STS: variants seen among roughly 807,000 people sequenced by gnomAD.
The protein encoded by STS is steryl-sulfatase.
Under a neutral mutation model 26.8 loss-of-function variants are expected in STS, and 7 were observed. The ratio of observed to expected loss-of-function variants is 0.26; its 90% CI spans 0.15 to 0.49. The LOEUF is 0.49. Ranked by LOEUF, STS falls within the 20% of genes least tolerant of loss-of-function variation. The pLI is 0.98. For missense variants in STS, 434 were observed against 465.6 expected (o/e 0.93, Z 0.63); for synonymous variants, 199 against 189.4 (o/e 1.05, Z -0.42).
intron 10 of STS, among the ~76,000 whole-genome samples, chrX:7,342,598 T>C (rs1928343105): frequency 8.9e-6 from 1 of 112,169 alleles, no homozygotes. Flanking sequence ...TTCTCACTGT[T>C]GTTGTATCGT....
At chrX:7,339,335 A>G (rs1367811497) in intron 10 of STS, among the ~76,000 whole-genome samples, 1 of 112,372 alleles carries the variant, frequency 8.9e-6, no homozygotes, top group African/African-American at 3.2e-5. Context: ...GCTCACCAGG[A>G]TCTATCCTGT....
chrX:7,227,795 A>G (rs1389102448), intron 2 of STS, among the ~76,000 whole-genome samples: 1 of 111,910 alleles, frequency 8.9e-6, no homozygotes, highest in African/African-American at 3.2e-5. Flanking sequence ...TGCTGATACA[A>G]TGTTTGACTG....
At chrX:7,213,367 T>A (rs1423005622) in intron 2 of STS, among the ~76,000 whole-genome samples, 2 of 111,348 alleles carry the variant, frequency 1.8e-5, no homozygotes, top group Non-Finnish European at 3.8e-5. Context: ...TACCAAAAGG[T>A]AAATTTCTGG....
At chrX:7,237,803 C>G (rs771940573) in intron 2 of STS, among the ~76,000 whole-genome samples, 1 of 111,114 alleles carries the variant, frequency 9.0e-6, no homozygotes, top group East Asian at 2.8e-4. Flanking sequence ...TACATTCTAC[C>G]CAATAAGTAG....
intron 6 of STS, among the ~76,000 whole-genome samples, chrX:7,272,635 A>G (rs748941212): frequency 1.8e-5 from 2 of 111,951 alleles, no homozygotes; most frequent in Non-Finnish European, 3.8e-5. Flanking sequence ...CGTTCACTTG[A>G]CTGCTGGGCG....
intron 1 of STS, among the ~76,000 whole-genome samples, chrX:7,160,856 A>G (rs1411859433): frequency 8.9e-6 from 1 of 112,375 alleles, no homozygotes; most frequent in African/African-American, 3.2e-5. Context: ...TACGTATCCT[A>G]AAGAGTGGAA....
intron 2 of STS, among the ~76,000 whole-genome samples, chrX:7,246,887 C>T (rs770102417): frequency 5.3e-5 from 6 of 112,908 alleles, no homozygotes; most frequent in East Asian, 5.6e-4. Context: ...GCAAGGCCTA[C>T]GCCAGGGACT....
rs200937936 is a variant in STS, at chrX:7,346,605, G to C, written c.1364-3283G>C. Among the ~76,000 whole-genome samples, 26 of 111,672 alleles carry C rather than the reference G, an allele frequency of 2.3e-4. No homozygotes were observed. The East Asian group carries it at 5.6e-3, about 24-fold the overall frequency. ...GGTCAAAATACTTATCGTTTTCAGT[G>C]GTGAGGGAGAAACAGTCTTTTATCA... On this transcript the variant is annotated intron_variant, in intron 10 of 10. Transcript: ENST00000674429.
At chrX:7,289,615 T>A (rs1342253124) in intron 7 of STS, among the ~76,000 whole-genome samples, 3 of 111,578 alleles carry the variant, frequency 2.7e-5, no homozygotes, top group African/African-American at 9.8e-5. Context: ...TGTACAGCCA[T>A]GTCCCCCACT....
chrX:7,213,830 ATGGTACTT>A (rs1222517754), intron 2 of STS, among the ~76,000 whole-genome samples: 1 of 110,879 alleles, frequency 9.0e-6, no homozygotes, highest in East Asian at 2.8e-4. Context: ...ACCTGTAATC[ATGGTACTT>A]TGGGAGGTCA....
chrX:7,288,311 A>T (rs1406376484), intron 7 of STS, among the ~76,000 whole-genome samples: 2 of 109,682 alleles, frequency 1.8e-5, no homozygotes, highest in Non-Finnish European at 3.8e-5. Flanking sequence ...TATCCAAAAT[A>T]CTCAAATATT....
At chrX:7,257,801 A>ATGTG (rs751759238) in intron 5 of STS, among the ~76,000 whole-genome samples, 3 of 97,393 alleles carry the variant, frequency 3.1e-5, no homozygotes, top group South Asian at 4.4e-4. Context: ...AAATGTATAG[A>ATGTG]TGTGTGTGTG....
At chrX:7,331,833 A>C (rs1035905618) in intron 9 of STS, among the ~76,000 whole-genome samples, 4 of 105,576 alleles carry the variant, frequency 3.8e-5, no homozygotes, top group Non-Finnish European at 7.7e-5. Context: ...GGCTTTCCAT[A>C]GCAGCGTGAT....
intron 1 of STS, among the ~76,000 whole-genome samples, chrX:7,168,650 G>A (rs1336823196): frequency 9.0e-6 from 1 of 111,346 alleles, no homozygotes; most frequent in Non-Finnish European, 1.9e-5. Context: ...TGGATGAGCT[G>A]TGCCCCTCCT....
intron 2 of STS, chrX:7,219,693 G>T (rs376690153): frequency 3.3e-6 from 4 of 1,210,216 alleles, no homozygotes; most frequent in South Asian, 1.8e-5. Context: ...TAAGGTAAGC[G>T]TCTATTCCCC....
At chrX:7,157,271 G>A (rs1465844898) in intron 1 of STS, among the ~76,000 whole-genome samples, 4 of 111,535 alleles carry the variant, frequency 3.6e-5, no homozygotes, top group East Asian at 2.8e-4. Flanking sequence ...GCTGCCTGTC[G>A]AGTCTTTGAG....
chrX:7,177,482 T>A (rs1448688187), intron 1 of STS, among the ~76,000 whole-genome samples: 1 of 105,503 alleles, frequency 9.5e-6, no homozygotes, highest in African/African-American at 3.5e-5. Context: ...TATATATATT[T>A]TTTTTTGGAG....
intron 8 of STS, among the ~76,000 whole-genome samples, chrX:7,321,483 G>T (rs1220371472): frequency 9.8e-5 from 11 of 111,897 alleles, no homozygotes; most frequent in Non-Finnish European, 1.9e-4. Context: ...TGTAACATCT[G>T]AAAAACACAC....
At chrX:7,220,580 G>T (rs953733680) in intron 2 of STS, among the ~76,000 whole-genome samples, 3 of 84,137 alleles carry the variant, frequency 3.6e-5, no homozygotes, top group East Asian at 7.1e-4. Flanking sequence ...ATGGAGTCTC[G>T]CTCTGTCTCC....
Sources: allele counts gnomAD v4.1 joint callset (sites outside exome capture counted in the v4.1 genomes callset), GRCh38; gene constraint gnomAD v4.1.1; transcripts MANE v1.5; gene names NCBI Gene and HGNC (gene_info 2026-07-23, HGNC 2026-07-21).